The following PAX6 variants were observed in gnomAD, a reference collection of about 807,000 sequenced individuals.
PAX6 encodes the protein paired box 6, also known as paired box protein Pax-6.
Under a neutral mutation model 60.7 loss-of-function variants are expected in PAX6, and 7 were observed. The observed-to-expected ratio is 0.12, with a 90% CI of 0.07 to 0.22. The LOEUF (loss-of-function observed/expected upper bound fraction) is 0.22. PAX6 is among the 10% of genes least tolerant of loss of function. PAX6 has a pLI of 1.00. For missense variants in PAX6, 355 were observed against 555.2 expected, an observed-to-expected ratio of 0.64 and a Z score of 3.62; for synonymous variants, 208 against 201.2, an observed-to-expected ratio of 1.03 and a Z score of -0.29.
chr11:31,808,604 GA>G (rs1436056692), intron 2 of PAX6: 1 of 152,136 alleles, frequency 6.6e-6, no homozygotes. Context: ...AATCACAACA[GA>G]ATGCTCCCAT....
In PAX6 at chr11:31,809,009, T is replaced by C. The variant is rs544080264; in HGVS notation, c.-129+1819A>G. ...CCTTGGACCACAAGAGAGTGGTCAC[T>C]GCCCCCACCTCTCTGTCCCCAACAC... On this transcript the variant is annotated intron_variant, in intron 2 of 13. Transcript: ENST00000640368. Among the ~76,000 whole-genome samples, 44 of 152,340 alleles carry C rather than the reference T, an allele frequency of 2.9e-4. No individual in the cohort carries two copies. In the South Asian group the frequency reaches 8.3e-3, roughly 29 times the overall value.
Position 31,794,847 on chromosome 11 carries a change from G to A in PAX6, c.566-59C>T, listed in dbSNP as rs1337454469. 4 of 1,528,490 alleles carry A rather than the reference G, an allele frequency of 2.6e-6. No individual in the cohort carries two copies. The East Asian group carries it at 9.0e-5, about 34-fold the overall frequency. 94.7% of individuals were successfully genotyped at this position (1,528,490 alleles called of 1,614,324 possible). ...TTGGATTAACTTGGAGCCTCCAAAA[G>A]GGGCCTGGTGTAGTCTTAAACTCCA... On this transcript the variant is annotated intron_variant, in intron 8 of 13. Transcript: ENST00000640368.
intron 8 of PAX6, among the ~76,000 whole-genome samples, chr11:31,800,015 G>A (rs1006396111): frequency 7.4e-6 from 1 of 134,472 alleles, no homozygotes; most frequent in Non-Finnish European, 1.5e-5. Context: ...GGGTGTTTCA[G>A]GTCCCATCTC....
intron 1 of PAX6, chr11:31,816,756 G>A (rs1360103469): frequency 1.5e-6 from 1 of 649,844 alleles, no homozygotes; most frequent in Admixed American, 2.3e-5. Context: ...AGGTGACTGA[G>A]CTCCGAAGGT....
chr11:31,790,561 C>T, intron 13 of PAX6, 149 bp downstream of exon 13: 5 of 1,524,676 alleles, frequency 3.3e-6, no homozygotes, highest in Non-Finnish European at 4.5e-6. Context: ...ATTAGCTTAA[C>T]TGAATTTCCC....
In PAX6 at chr11:31,806,450, C is replaced by G. The variant is rs370232963; in HGVS notation, c.-39G>C. 1 of 1,603,454 alleles carries G rather than the reference C, an allele frequency of 6.2e-7. No individual in the cohort carries two copies. Among genetic ancestry groups the G allele is most frequent in the Admixed American group, 1.7e-5 (1 of 59,014 alleles). ...GGGGGCCGCGGGATTCCACGGGGCT[C>G]GAATATGGGGCTCTGTTAGCAAGAA... On this transcript the variant is annotated 5_prime_UTR_variant, in exon 4 of 14. Coordinates refer to ENST00000640368, the MANE Select transcript of PAX6 (RefSeq NM_001368894.2).
Position 31,790,013 on chromosome 11 carries a change from A to G in PAX6, c.1232T>C (p.Ile411Thr). Reference sequence around the variant, plus strand: ...AACTGGAACTGACACACCAGGGGAAATGAGTCCTAGAAGTGGATGAAAGAA... The same window carrying G: ...AACTGGAACTGACACACCAGGGGAAGTGAGTCCTAGAAGTGGATGAAAGAA... ...GTSGTTSTGLISPGVSVPVQV... is the reference protein window; with the variant it reads ...GTSGTTSTGLTSPGVSVPVQV... Residue 411 changes from isoleucine (I) to threonine (T), a missense_variant, in exon 14 of 14, where the codon ATT becomes ACT. Coordinates refer to ENST00000640368, the MANE Select transcript of PAX6 (RefSeq NM_001368894.2). The G allele has an allele frequency of 6.3e-7, 1 of 1,586,774 alleles. No homozygotes were observed.
intron 8 of PAX6, among the ~76,000 whole-genome samples, chr11:31,798,184 G>A (rs1398874596): frequency 4.0e-5 from 6 of 151,080 alleles, no homozygotes; most frequent in South Asian, 4.3e-4. Context: ...ATCCTATAGA[G>A]GGCTTGGGTA....
At chr11:31,801,481 G>C (rs2135081215) in intron 7 of PAX6, 80 bp downstream of exon 7, 1 of 1,607,748 alleles carries the variant, frequency 6.2e-7, no homozygotes, top group African/African-American at 1.3e-5. Flanking sequence ...AGAGACAGTG[G>C]AGAGAGAGGG....
At chr11:31,816,511 G>C (rs1036602484) in intron 1 of PAX6, 9 of 702,426 alleles carry the variant, frequency 1.3e-5, no homozygotes, top group Non-Finnish European at 2.3e-5. Context: ...AATGAGGGAG[G>C]AGGCCCGAGG....
At chr11:31,801,086 T>C in intron 7 of PAX6, 1 of 738,296 alleles carries the variant, frequency 1.4e-6, no homozygotes, top group Non-Finnish European at 2.2e-6. Context: ...TCCTTCACCA[T>C]TGCTTGGTGT....
chr11:31,801,348 A>T, intron 7 of PAX6: 1 of 1,458,416 alleles, frequency 6.9e-7, no homozygotes, highest in African/African-American at 1.4e-5. Flanking sequence ...CATGCAAATG[A>T]AGTGAATGAC....
Position 31,811,150 on chromosome 11 carries a change from T to A in PAX6, c.-352A>T. On this transcript the variant is annotated 5_prime_UTR_variant, in exon 1 of 14. Transcript: ENST00000640368. ...TGGTGATGGCTCAAGTGTGTTAATG[T>A]GTGTGTGCCGGCGCCCGGCCTCGCC... 2.5e-6 allele frequency: 1 copy of A among 399,314 alleles called. No homozygotes were observed. Among genetic ancestry groups the A allele is most frequent in the East Asian group, 3.6e-5 (1 of 28,074 alleles). 24.7% of individuals were successfully genotyped at this position (399,314 alleles called of 1,614,324 possible). A position where few individuals can be genotyped will look rare whatever the true frequency, so the allele number is the denominator to read the frequency against.
chr11:31,790,489 C>A, intron 13 of PAX6: 3 of 985,258 alleles, frequency 3.0e-6, no homozygotes, highest in South Asian at 4.7e-5. Flanking sequence ...TCATACACAA[C>A]TTTTGTGACC....
chr11:31,810,618 C>T (rs1417850192), intron 2 of PAX6: 1 of 363,990 alleles, frequency 2.7e-6, no homozygotes, highest in Non-Finnish European at 4.9e-6. Context: ...CCCTGCGCCG[C>T]TCCCGCTCGC....
At chr11:31,796,764 AC>A (rs1236425141) in intron 8 of PAX6, among the ~76,000 whole-genome samples, 11 of 152,116 alleles carry the variant, frequency 7.2e-5, no homozygotes, top group African/African-American at 2.7e-4. Flanking sequence ...AAAAAGAGAC[AC>A]GAGGGCCGAA....
At chr11:31,798,590 G>A (rs1334236990) in intron 8 of PAX6, among the ~76,000 whole-genome samples, 1 of 152,114 alleles carries the variant, frequency 6.6e-6, no homozygotes, top group Non-Finnish European at 1.5e-5. Flanking sequence ...TGGCCCACGT[G>A]TCCTCCCCAC....
intron 10 of PAX6, 109 bp from the exon 11 acceptor site, chr11:31,793,911 G>A: frequency 7.3e-7 from 1 of 1,374,526 alleles, no homozygotes; most frequent in African/African-American, 1.4e-5. Context: ...GCATTTAGCA[G>A]ACTGAACCTT....
intron 4 of PAX6, chr11:31,803,873 C>G (rs747621465): frequency 7.9e-5 from 12 of 152,356 alleles, no homozygotes; most frequent in Non-Finnish European, 1.5e-4. Flanking sequence ...GAGTTAGCCC[C>G]TCTTTGTAGT....
Sources: gnomAD v4.1 joint callset for allele counts (sites outside exome capture counted in the v4.1 genomes callset) on GRCh38, gnomAD v4.1.1 for gene constraint, MANE v1.5 for transcripts, NCBI Gene and HGNC (gene_info 2026-07-23, HGNC 2026-07-21) for gene names.